APBB2: variants seen among roughly 807,000 people sequenced by gnomAD.
The protein encoded by APBB2 is amyloid beta precursor protein binding family B member 2.
A neutral mutation model predicts 82.5 loss-of-function variants in APBB2; 38 were observed. The observed-to-expected ratio is 0.46, with a 90% CI of 0.36 to 0.60. APBB2 has a LOEUF of 0.60. Ranked by LOEUF, APBB2 falls within the 20% of genes least tolerant of loss-of-function variation. APBB2 has a pLI of 0.00. For missense variants in APBB2, 772 were observed against 972.3 expected (o/e 0.79, Z 2.74); for synonymous variants, 341 against 368.2 (o/e 0.93, Z 0.85).
At chr4:41,064,974 AT>A (rs1236662001) in intron 4 of APBB2, among the ~76,000 whole-genome samples, 2 of 152,364 alleles carry the variant, frequency 1.3e-5, no homozygotes, top group African/African-American at 4.8e-5. Context: ...GCTTAAAAAA[AT>A]AAAAGCCTGT....
At chr4:41,095,011 A>G (rs1560737102) in intron 3 of APBB2, among the ~76,000 whole-genome samples, 3 of 152,382 alleles carry the variant, frequency 2.0e-5, no homozygotes, top group Middle Eastern at 6.8e-3. Flanking sequence ...AAATATGATC[A>G]ATTCAAGTTA....
chr4:41,200,644 T>C (rs946125643), intron 1 of APBB2, among the ~76,000 whole-genome samples: 12 of 152,218 alleles, frequency 7.9e-5, no homozygotes, highest in African/African-American at 2.9e-4. Flanking sequence ...AAAGAAAACA[T>C]CGCAATACCA....
In APBB2 at chr4:41,013,920, T is replaced by C; in HGVS notation, c.498A>G (p.Ala166=). ...GTTCTCTGGCTGAGGTTTCCAGATC[T>C]GCATAGTAATTTAGGAAGCTCTTAG... ...RRTKSFLNYY[A]DLETSARELE... Residue 166 remains alanine (A), a synonymous_variant, in exon 6 of 18, where the codon GCA becomes GCG. Coordinates refer to ENST00000508593, the MANE Select transcript of APBB2 (RefSeq NM_004307.2). 6.2e-7 allele frequency: 1 copy of C among 1,614,216 alleles called. No homozygotes were observed. Among genetic ancestry groups the C allele is most frequent in the Non-Finnish European group, 8.5e-7 (1 of 1,180,042 alleles).
At chr4:41,142,825 A>G (rs1759632072) in intron 2 of APBB2, among the ~76,000 whole-genome samples, 162 bp downstream of exon 2, 1 of 152,110 alleles carries the variant, frequency 6.6e-6, no homozygotes, top group South Asian at 2.1e-4. Flanking sequence ...CTATACACAA[A>G]AGGCTATCAG....
intron 12 of APBB2, among the ~76,000 whole-genome samples, chr4:40,846,936 A>AT (rs1435207153): frequency 2.0e-5 from 3 of 152,092 alleles, no homozygotes; most frequent in Non-Finnish European, 4.4e-5. Context: ...TATATCACAG[A>AT]TTAAAAAAAA....
chr4:40,906,771 G>C (rs1419876469), intron 10 of APBB2, among the ~76,000 whole-genome samples: 1 of 152,132 alleles, frequency 6.6e-6, no homozygotes, highest in African/African-American at 2.4e-5. Flanking sequence ...CCCAAAGTGA[G>C]ATGTCTTTTC....
chr4:41,089,918 C>T (rs2153951781), intron 3 of APBB2, among the ~76,000 whole-genome samples: 1 of 152,250 alleles, frequency 6.6e-6, no homozygotes, highest in South Asian at 2.1e-4. Context: ...TCAAGCATTA[C>T]CTGAACACCG....
chr4:40,920,385 T>C (rs529539136), intron 10 of APBB2, among the ~76,000 whole-genome samples: 3 of 152,294 alleles, frequency 2.0e-5, no homozygotes, highest in East Asian at 3.9e-4. Context: ...ATGTCTTTAT[T>C]AGCAGCATCA....
At chr4:41,039,676 T>C (rs372357163) in intron 4 of APBB2, among the ~76,000 whole-genome samples, 2 of 152,028 alleles carry the variant, frequency 1.3e-5, no homozygotes, top group Non-Finnish European at 2.9e-5. Context: ...CTGGGCAACA[T>C]AGTGAGACCC....
At chr4:40,995,135 AC>A (rs1803291215) in intron 6 of APBB2, among the ~76,000 whole-genome samples, 1 of 152,068 alleles carries the variant, frequency 6.6e-6, no homozygotes. Flanking sequence ...TTTGGCTGAA[AC>A]CATGTTCCCC....
rs184171835 is a variant in APBB2 at position 40,913,596 on chromosome 4, G to T, written c.1255-20185C>A. On this transcript the variant is annotated intron_variant, in intron 10 of 17. Transcript: ENST00000508593. Reference sequence around the variant, plus strand: ...AAGTCCATACTCCTGGTGCTTTTGCGGTCATTTGTGGACATGTACAGGGTG... The same window carrying T: ...AAGTCCATACTCCTGGTGCTTTTGCTGTCATTTGTGGACATGTACAGGGTG... Among the ~76,000 whole-genome samples the T allele has an allele frequency of 2.1e-3, 316 of 152,248 alleles. 1 individual carries two copies. Among genetic ancestry groups the T allele is most frequent in the Non-Finnish European group, 3.1e-3 (209 of 68,004 alleles).
At chr4:40,992,801 G>A (rs554574374) in intron 6 of APBB2, among the ~76,000 whole-genome samples, 41 of 152,248 alleles carry the variant, frequency 2.7e-4, no homozygotes, top group African/African-American at 9.9e-4. Flanking sequence ...AAGTAAGACC[G>A]AGGCTCATGG....
intron 6 of APBB2, among the ~76,000 whole-genome samples, chr4:40,977,389 T>G (rs1481996424): frequency 1.3e-5 from 2 of 151,350 alleles, no homozygotes; most frequent in African/African-American, 4.8e-5. Context: ...CTCAGCTCAC[T>G]GCAATCTCCA....
chr4:40,986,732 C>T (rs1226350784), intron 6 of APBB2, among the ~76,000 whole-genome samples: 1 of 152,124 alleles, frequency 6.6e-6, no homozygotes, highest in African/African-American at 2.4e-5. Flanking sequence ...ATGAGTGCCA[C>T]CTAAATAGCA....
chr4:40,988,301 A>C (rs1355052763), intron 6 of APBB2, among the ~76,000 whole-genome samples: 1 of 152,204 alleles, frequency 6.6e-6, no homozygotes, highest in Non-Finnish European at 1.5e-5. Context: ...AGTTAATTAA[A>C]GTTTACTACT....
chr4:41,022,766 T>C (rs1437892709), intron 5 of APBB2, among the ~76,000 whole-genome samples: 1 of 152,212 alleles, frequency 6.6e-6, no homozygotes, highest in East Asian at 1.9e-4. Flanking sequence ...AGTGTTTCAA[T>C]TAACATCTCA....
chr4:41,049,555 G>T (rs1388380912), intron 4 of APBB2, among the ~76,000 whole-genome samples: 2 of 150,490 alleles, frequency 1.3e-5, no homozygotes, highest in African/African-American at 5.0e-5. Context: ...GGAGGGAGGT[G>T]GGGGGCGCCT....
At chr4:40,833,657 C>T (rs1752851902) in intron 12 of APBB2, among the ~76,000 whole-genome samples, 1 of 152,174 alleles carries the variant, frequency 6.6e-6, no homozygotes, top group Admixed American at 6.5e-5. Flanking sequence ...TTCTGGCCAC[C>T]CACATTCGAG....
chr4:40,853,698 C>A (rs1166199778), intron 12 of APBB2, among the ~76,000 whole-genome samples: 1 of 151,782 alleles, frequency 6.6e-6, no homozygotes, highest in Non-Finnish European at 1.5e-5. Context: ...CTCAGGTGAT[C>A]CACCTGCCTC....
Sources: allele counts gnomAD v4.1 joint callset (sites outside exome capture counted in the v4.1 genomes callset), GRCh38; gene constraint gnomAD v4.1.1; transcripts MANE v1.5; gene names NCBI Gene and HGNC (gene_info 2026-07-23, HGNC 2026-07-21).